Variants in HECW1 observed in about 807,000 individuals in gnomAD.
The protein encoded by HECW1 is HECT, C2 and WW domain containing E3 ubiquitin protein ligase 1, also known as E3 ubiquitin-protein ligase HECW1.
Under a neutral mutation model 182.3 loss-of-function variants are expected in HECW1, and 61 were observed. The ratio of observed to expected loss-of-function variants is 0.33; its 90% CI spans 0.27 to 0.41. HECW1 has a LOEUF of 0.41. Ranked by LOEUF, HECW1 falls within the 10% of genes least tolerant of loss-of-function variation. The pLI is 1.00. For missense variants in HECW1, 1,739 were observed against 2,108.9 expected (o/e 0.82, Z 3.44); for synonymous variants, 859 against 832.6 (o/e 1.03, Z -0.55).
rs755525036 is a variant in HECW1, at chr7:43,564,442, A to ATAGGT, written c.*2516_*2517insTAGGT. The ATAGGT allele has an allele frequency of 2.2e-5, 4 of 184,834 alleles. No individual in the cohort carries two copies. The highest frequency in any genetic ancestry group is 3.4e-5 in the Non-Finnish European group (3 of 87,048). 11.4% of individuals were successfully genotyped at this position (184,834 alleles called of 1,614,324 possible). ...ATACAAAAGGAATGCAGTATCTCAG[A>ATAGGT]AATTATATATAGATAGGTAACTTTG... On this transcript the variant is annotated 3_prime_UTR_variant, in exon 30 of 30. Transcript: ENST00000395891.
intron 2 of HECW1, among the ~76,000 whole-genome samples, chr7:43,130,548 T>G (rs1000294952): frequency 6.6e-6 from 1 of 152,176 alleles, no homozygotes; most frequent in Non-Finnish European, 1.5e-5. Context: ...AAGTAATCAT[T>G]TTCTTACACT....
intron 12 of HECW1, 126 bp downstream of exon 12, chr7:43,451,055 C>A: frequency 6.1e-6 from 4 of 655,244 alleles, no homozygotes; most frequent in Middle Eastern, 3.0e-4. Context: ...TAACAAAGAC[C>A]AATATGACAC....
chr7:43,263,177 G>A (rs1479733587), intron 3 of HECW1, among the ~76,000 whole-genome samples: 1 of 152,138 alleles, frequency 6.6e-6, no homozygotes, highest in African/African-American at 2.4e-5. Flanking sequence ...GAGGAAACAG[G>A]AATTTTATTG....
At chr7:43,475,123 G>A (rs1362708665) in intron 16 of HECW1, among the ~76,000 whole-genome samples, 4 of 152,144 alleles carry the variant, frequency 2.6e-5, no homozygotes, top group African/African-American at 9.7e-5. Context: ...CTTAAAAATT[G>A]TTATTGTTTT....
chr7:43,475,667 C>G (rs1298292898), intron 16 of HECW1, among the ~76,000 whole-genome samples: 4 of 152,192 alleles, frequency 2.6e-5, no homozygotes, highest in African/African-American at 9.7e-5. Flanking sequence ...CTTCCCACCT[C>G]AGTCTCCTGA....
intron 1 of HECW1, chr7:43,113,505 T>C (rs1161348458): frequency 5.9e-6 from 1 of 169,242 alleles, no homozygotes; most frequent in East Asian, 1.1e-4. Flanking sequence ...CATGGACGGG[T>C]GCAGGAGGGG....
At chr7:43,136,849 C>T (rs1056157581) in intron 2 of HECW1, among the ~76,000 whole-genome samples, 7 of 152,080 alleles carry the variant, frequency 4.6e-5, no homozygotes, top group African/African-American at 1.4e-4. Flanking sequence ...TGGTGGTGGC[C>T]GACTCTAGCC....
intron 13 of HECW1, 95 bp downstream of exon 13, chr7:43,456,542 A>ACTT: frequency 8.7e-7 from 1 of 1,143,926 alleles, no homozygotes; most frequent in Middle Eastern, 2.1e-4. Context: ...CTCAGACTGT[A>ACTT]TGAGGAGACT....
chr7:43,558,428 G>T (rs73100784), intron 29 of HECW1, among the ~76,000 whole-genome samples: 14 of 152,076 alleles, frequency 9.2e-5, no homozygotes, highest in Admixed American at 7.9e-4. Context: ...TGGAGGCCTG[G>T]TTAAGTTAGT....
intron 2 of HECW1, among the ~76,000 whole-genome samples, chr7:43,212,006 G>A (rs759914318): frequency 1.3e-5 from 2 of 152,244 alleles, no homozygotes; most frequent in East Asian, 1.9e-4. Flanking sequence ...GGAGAACAAG[G>A]CAAAGAGAGC....
At chr7:43,189,465 T>G (rs2040761) in intron 2 of HECW1, among the ~76,000 whole-genome samples, 1 of 151,888 alleles carries the variant, frequency 6.6e-6, no homozygotes, top group Admixed American at 6.6e-5. Flanking sequence ...AAAGAGATTG[T>G]GTGCAGGTCG....
chr7:43,315,309 A>G (rs1310558359), intron 4 of HECW1, among the ~76,000 whole-genome samples: 1 of 152,170 alleles, frequency 6.6e-6, no homozygotes, highest in Non-Finnish European at 1.5e-5. Context: ...AGGAAAGGCC[A>G]CAGAAGGGGA....
intron 2 of HECW1, among the ~76,000 whole-genome samples, chr7:43,169,646 G>C (rs1386064502): frequency 2.7e-5 from 4 of 150,144 alleles, no homozygotes; most frequent in African/African-American, 9.8e-5. Flanking sequence ...TTAACAAAAA[G>C]TACATTATAT....
At chr7:43,335,909 A>ATT (rs1177902815) in intron 5 of HECW1, among the ~76,000 whole-genome samples, 2 of 85,462 alleles carry the variant, frequency 2.3e-5, no homozygotes, top group African/African-American at 9.9e-5. Context: ...TTCTGTCTTT[A>ATT]TCTCTTTCTC....
chr7:43,407,186 C>T (rs1271636189), intron 7 of HECW1, among the ~76,000 whole-genome samples: 1 of 152,174 alleles, frequency 6.6e-6, no homozygotes, highest in Admixed American at 6.5e-5. Context: ...CTTGTTTGTT[C>T]TTTCCTCCAT....
intron 7 of HECW1, 98 bp downstream of exon 7, chr7:43,396,987 A>G (rs2075253247): frequency 1.1e-6 from 1 of 874,686 alleles, no homozygotes; most frequent in East Asian, 2.4e-5. Flanking sequence ...CAAGTCAGTC[A>G]ACCTCTCTGT....
rs190794838 is a variant in HECW1 at position 43,474,519 on chromosome 7, G to A, written c.3100-5091G>A. On this transcript the variant is annotated intron_variant, in intron 16 of 29. Coordinates refer to ENST00000395891, the MANE Select transcript of HECW1 (RefSeq NM_015052.5). ...AAGAAATATTTTATATTAATCAATG[G>A]CAAAATAAAGATATAATAATCATGT... 3.9e-3 allele frequency among the ~76,000 whole-genome samples: 585 copies of A among 151,820 alleles called. 2 individuals are homozygous for A. Among genetic ancestry groups the A allele is most frequent in the Non-Finnish European group, 7.3e-3 (497 of 67,958 alleles).
chr7:43,416,573 G>A (rs1186498358), intron 8 of HECW1, among the ~76,000 whole-genome samples: 1 of 152,066 alleles, frequency 6.6e-6, no homozygotes, highest in African/African-American at 2.4e-5. Flanking sequence ...CGAGCTTCCA[G>A]GCTGCTTTGT....
chr7:43,424,846 AT>A (rs2076305013), intron 8 of HECW1, among the ~76,000 whole-genome samples: 2 of 152,066 alleles, frequency 1.3e-5, no homozygotes, highest in Non-Finnish European at 2.9e-5. Flanking sequence ...ATTTTCTGGG[AT>A]TTTTTTAAAA....
Sources: gnomAD v4.1 joint callset for allele counts (sites outside exome capture counted in the v4.1 genomes callset) on GRCh38, gnomAD v4.1.1 for gene constraint, MANE v1.5 for transcripts, NCBI Gene and HGNC (gene_info 2026-07-23, HGNC 2026-07-21) for gene names.